Variants in RYR2 observed in about 807,000 individuals in gnomAD.
RYR2 encodes the protein cardiac muscle ryanodine receptor-calcium release channel.
In RYR2, 227 loss-of-function variants were observed where a neutral mutation model predicts 601.1. The ratio of observed to expected loss-of-function variants is 0.38; its 90% CI spans 0.34 to 0.42. RYR2 has a LOEUF of 0.42. RYR2 is among the 10% of genes least tolerant of loss of function. RYR2 has a pLI of 1.00. For missense variants in RYR2, 4,646 were observed against 6,156.5 expected (o/e 0.75, Z 8.21); for synonymous variants, 2,223 against 2,175.1 (o/e 1.02, Z -0.61).
chr1:237,764,056 C>T (rs1044094513), intron 84 of RYR2, among the ~76,000 whole-genome samples: 1 of 152,210 alleles, frequency 6.6e-6, no homozygotes, highest in Non-Finnish European at 1.5e-5. Flanking sequence ...TCTTCTACAT[C>T]CTTGCCCACT....
rs780854820 is a variant in RYR2, at chr1:237,707,294, AC to A, written c.9901+29del. The stretch of plus-strand genomic sequence containing the variant: ...GGTAAGAACTGGAAGAAGACATTGT[AC>A]CCCTGAAATCTGTTTTATTTCCAAA... On this transcript the variant is annotated intron_variant, in intron 68 of 104. Coordinates refer to ENST00000366574, the MANE Select transcript of RYR2 (RefSeq NM_001035.3). 1.7e-4 allele frequency: 205 copies of A among 1,217,980 alleles called. 1 individual carries two copies. Among genetic ancestry groups the A allele is most frequent in the Non-Finnish European group, 2.0e-4 (186 of 917,222 alleles). 75.4% of individuals were successfully genotyped at this position (1,217,980 alleles called of 1,614,324 possible). A position where few individuals can be genotyped will look rare whatever the true frequency, so the allele number is the denominator to read the frequency against.
intron 10 of RYR2, among the ~76,000 whole-genome samples, chr1:237,394,840 G>A (rs964865608): frequency 3.9e-5 from 6 of 152,178 alleles, no homozygotes; most frequent in African/African-American, 4.8e-5. Flanking sequence ...AAAGACAAGA[G>A]TCTTAACTGG....
At chr1:237,225,922 G>T (rs1392109268) in intron 1 of RYR2, among the ~76,000 whole-genome samples, 1 of 152,068 alleles carries the variant, frequency 6.6e-6, no homozygotes, top group Non-Finnish European at 1.5e-5. Context: ...GGGTGTGGTG[G>T]CACATGCCTA....
intron 1 of RYR2, among the ~76,000 whole-genome samples, chr1:237,081,296 A>AT: frequency 6.7e-6 from 1 of 149,422 alleles, no homozygotes; most frequent in East Asian, 2.0e-4. Flanking sequence ...AAAAAAAAAA[A>AT]AAAAAAAGAA....
At chr1:237,611,116 A>T in intron 36 of RYR2, 128 bp downstream of exon 36, 5 of 724,764 alleles carry the variant, frequency 6.9e-6, no homozygotes, top group Non-Finnish European at 1.1e-5. Flanking sequence ...CAAAGATCTA[A>T]ATTCTTTAGG....
chr1:237,515,712 T>TTC (rs1666387402), intron 24 of RYR2, among the ~76,000 whole-genome samples: 4 of 1,020 alleles, frequency 3.9e-3, no homozygotes, highest in African/African-American at 0.013. Flanking sequence ...CTCCTTCTCC[T>TTC]TCTTCTCTTC....
chr1:237,640,867 T>A (rs766121263), intron 46 of RYR2, 30 bp from the exon 47 acceptor site: 1 of 1,575,330 alleles, frequency 6.3e-7, no homozygotes, highest in Non-Finnish European at 8.7e-7. Flanking sequence ...TCCCATTTGC[T>A]TTCTCTTTCT....
intron 1 of RYR2, among the ~76,000 whole-genome samples, chr1:237,092,515 T>C (rs900680079): frequency 1.9e-3 from 8 of 4,140 alleles, no homozygotes; most frequent in African/African-American, 2.6e-3. Context: ...ACAGATAGTC[T>C]TTTTTTTTTT....
intron 7 of RYR2, among the ~76,000 whole-genome samples, chr1:237,376,630 T>C (rs185094341): frequency 5.3e-5 from 8 of 152,254 alleles, no homozygotes; most frequent in African/African-American, 1.9e-4. Flanking sequence ...TGTTAGGTAT[T>C]GGGAAGAAAG....
chr1:237,107,824 T>C (rs1161693453), intron 1 of RYR2, among the ~76,000 whole-genome samples: 2 of 152,208 alleles, frequency 1.3e-5, no homozygotes, highest in Non-Finnish European at 2.9e-5. Context: ...GTCACACGTG[T>C]GGCATCCACC....
At chr1:237,044,561 A>G (rs2148079351) in intron 1 of RYR2, among the ~76,000 whole-genome samples, 1 of 151,544 alleles carries the variant, frequency 6.6e-6, no homozygotes, top group Admixed American at 6.6e-5. Context: ...CCAGGCTGGG[A>G]TTTTTCTTTT....
intron 17 of RYR2, among the ~76,000 whole-genome samples, chr1:237,482,373 T>A (rs1180906766): frequency 1.1e-4 from 17 of 152,268 alleles, no homozygotes; most frequent in Non-Finnish European, 2.4e-4. Flanking sequence ...TCCCAGCCTC[T>A]GGTAACTATC....
chr1:237,161,355 GGGA>G (rs1675990893), intron 1 of RYR2, among the ~76,000 whole-genome samples: 3 of 88,692 alleles, frequency 3.4e-5, no homozygotes, highest in Admixed American at 1.1e-4. Context: ...AAAATTTTGG[GGGA>G]AAAAAAAAGA....
intron 76 of RYR2, among the ~76,000 whole-genome samples, chr1:237,728,173 TG>T (rs1690350669): frequency 1.3e-5 from 2 of 151,962 alleles, no homozygotes; most frequent in African/African-American, 2.4e-5. Context: ...AGAGTTTGAG[TG>T]AATGTATAAG....
chr1:237,143,645 G>T (rs978797731), intron 1 of RYR2, among the ~76,000 whole-genome samples: 4 of 152,010 alleles, frequency 2.6e-5, no homozygotes, highest in African/African-American at 9.7e-5. Flanking sequence ...GTCTTGCTTT[G>T]TCCACACCCT....
chr1:237,507,607 T>C (rs1386611110), intron 23 of RYR2, among the ~76,000 whole-genome samples: 2 of 152,256 alleles, frequency 1.3e-5, no homozygotes, highest in Non-Finnish European at 2.9e-5. Context: ...TACTCCACAC[T>C]ACTCAGTAAT....
At chr1:237,284,638 G>A (rs1691313559) in intron 2 of RYR2, among the ~76,000 whole-genome samples, 1 of 131,266 alleles carries the variant, frequency 7.6e-6, no homozygotes. Flanking sequence ...TATATGTATA[G>A]TGTGTGTATA....
intron 47 of RYR2, among the ~76,000 whole-genome samples, chr1:237,642,044 C>T (rs1022336193): frequency 5.9e-5 from 9 of 152,114 alleles, no homozygotes; most frequent in African/African-American, 2.2e-4. Context: ...GGGAAACAAA[C>T]CCAGAGTTTG....
At chr1:237,176,845 G>C (rs1678114230) in intron 1 of RYR2, among the ~76,000 whole-genome samples, 1 of 152,148 alleles carries the variant, frequency 6.6e-6, no homozygotes, top group African/African-American at 2.4e-5. Context: ...CGTTCTCTAA[G>C]TTTGTGTGAA....
Sources: gnomAD v4.1 joint callset for allele counts (sites outside exome capture counted in the v4.1 genomes callset) on GRCh38, gnomAD v4.1.1 for gene constraint, MANE v1.5 for transcripts, NCBI Gene and HGNC (gene_info 2026-07-23, HGNC 2026-07-21) for gene names.